The following ATP2B2 variants were observed in gnomAD, a reference collection of about 807,000 sequenced individuals.
The protein encoded by ATP2B2 is ATPase plasma membrane Ca2+ transporting 2, also known as plasma membrane calcium-transporting ATPase 2.
ATP2B2 carries 15 observed loss-of-function variants against 120.0 expected under a neutral mutation model. The ratio of observed to expected loss-of-function variants is 0.12; its 90% CI spans 0.08 to 0.19. The LOEUF is 0.19. Among genes scored for constraint, ATP2B2 ranks in the 10% least tolerant of loss-of-function variants. The pLI is 1.00. For missense variants in ATP2B2, 1,045 were observed against 1,719.8 expected, an observed-to-expected ratio of 0.61 and a Z score of 6.94; for synonymous variants, 694 against 700.3, an observed-to-expected ratio of 0.99 and a Z score of 0.14.
chr3:10,565,929 C>G (rs1437761877), intron 2 of ATP2B2, among the ~76,000 whole-genome samples: 1 of 152,210 alleles, frequency 6.6e-6, no homozygotes, highest in East Asian at 1.9e-4. Flanking sequence ...CATCCTTCCA[C>G]CTACCGACCC....
chr3:10,658,892 T>C (rs1170463459), intron 1 of ATP2B2, among the ~76,000 whole-genome samples: 1 of 151,848 alleles, frequency 6.6e-6, no homozygotes, highest in Non-Finnish European at 1.5e-5. Flanking sequence ...TAACAGCGGA[T>C]CTCTCGGCAG....
intron 1 of ATP2B2, among the ~76,000 whole-genome samples, chr3:10,672,032 G>A (rs539753660): frequency 6.6e-6 from 1 of 152,346 alleles, no homozygotes; most frequent in South Asian, 2.1e-4. Flanking sequence ...GACTGCTAGA[G>A]AGCCTCGGGG....
intron 2 of ATP2B2, among the ~76,000 whole-genome samples, chr3:10,604,766 CT>C (rs2069016741): frequency 1.3e-5 from 2 of 152,166 alleles, no homozygotes; most frequent in Admixed American, 1.3e-4. Flanking sequence ...TCCTACTTCC[CT>C]TTAGAGCCAT....
At chr3:10,391,620 G>A (rs1474655493) in intron 5 of ATP2B2, among the ~76,000 whole-genome samples, 3 of 152,184 alleles carry the variant, frequency 2.0e-5, no homozygotes, top group Non-Finnish European at 2.9e-5. Flanking sequence ...GGCATAGTGC[G>A]CTCCCCGCCC....
intron 1 of ATP2B2, among the ~76,000 whole-genome samples, chr3:10,459,145 C>T (rs2125227832): frequency 6.6e-6 from 1 of 152,356 alleles, no homozygotes; most frequent in South Asian, 2.1e-4. Context: ...GAAGGCATGA[C>T]CTGACCGGAA....
At chr3:10,403,844 C>A (rs895439817) in intron 3 of ATP2B2, among the ~76,000 whole-genome samples, 1 of 152,226 alleles carries the variant, frequency 6.6e-6, no homozygotes, top group Non-Finnish European at 1.5e-5. Flanking sequence ...GGATCCAGAT[C>A]TGGGATCTGA....
At chr3:10,609,222 C>T (rs2069164626) in intron 2 of ATP2B2, among the ~76,000 whole-genome samples, 1 of 152,188 alleles carries the variant, frequency 6.6e-6, no homozygotes, top group African/African-American at 2.4e-5. Context: ...CAAGCTGTAA[C>T]CCAGGAGCAG....
At chr3:10,593,834 C>G (rs1005253511) in intron 2 of ATP2B2, among the ~76,000 whole-genome samples, 3 of 151,794 alleles carry the variant, frequency 2.0e-5, no homozygotes, top group East Asian at 3.9e-4. Context: ...GGGCTAATAC[C>G]CAGAATCTAC....
At chr3:10,570,748 C>CA (rs1472991264) in intron 2 of ATP2B2, among the ~76,000 whole-genome samples, 1 of 152,172 alleles carries the variant, frequency 6.6e-6, no homozygotes, top group Non-Finnish European at 1.5e-5. Context: ...CCCAAAACTC[C>CA]ATTGGCGAGA....
At chr3:10,374,464 GA>G (rs1300936410) in intron 11 of ATP2B2, among the ~76,000 whole-genome samples, 1 of 152,254 alleles carries the variant, frequency 6.6e-6, no homozygotes, top group African/African-American at 2.4e-5. Context: ...CTTGGAAACT[GA>G]TGCTCACCAT....
chr3:10,379,381 T>G, intron 8 of ATP2B2, 97 bp from the exon 9 acceptor site: 1 of 1,374,296 alleles, frequency 7.3e-7, no homozygotes, highest in African/African-American at 1.4e-5. Context: ...ATGTCACAGA[T>G]GAAGGGCGGG....
chr3:10,525,134 G>C (rs1157905463), intron 3 of ATP2B2, among the ~76,000 whole-genome samples: 1 of 152,140 alleles, frequency 6.6e-6, no homozygotes, highest in Non-Finnish European at 1.5e-5. Flanking sequence ...GCAGCAGAGG[G>C]GAAGCTGTGT....
chr3:10,418,797 C>T (rs1430894884), intron 2 of ATP2B2, among the ~76,000 whole-genome samples: 1 of 152,214 alleles, frequency 6.6e-6, no homozygotes, highest in African/African-American at 2.4e-5. Flanking sequence ...ACTCTCCATC[C>T]ACTGCTCAGA....
chr3:10,634,447 A>T (rs2069963090), intron 1 of ATP2B2, among the ~76,000 whole-genome samples: 1 of 152,148 alleles, frequency 6.6e-6, no homozygotes, highest in Non-Finnish European at 1.5e-5. Flanking sequence ...CAACTTCTCC[A>T]CTAGGAAAAC....
Position 10,324,127 on chromosome 3 carries a change from AAG to A in ATP2B2, c.*4685_*4686del, listed in dbSNP as rs1336888282. 1.3e-5 allele frequency: 2 copies of A among 152,112 alleles called. No homozygotes were observed. Among genetic ancestry groups the A allele is most frequent in the African/African-American group, 4.8e-5 (2 of 41,398 alleles). 9.4% of individuals were successfully genotyped at this position (152,112 alleles called of 1,614,324 possible). A position where few individuals can be genotyped will look rare whatever the true frequency, so the allele number is the denominator to read the frequency against. ...CACAAGCCAAAGATACAGAGAAATAAAGAGTGTACAATAAGAGCACAGTCACT... is the reference window on the plus strand; with the variant it reads ...CACAAGCCAAAGATACAGAGAAATAAAGTGTACAATAAGAGCACAGTCACT... On this transcript the variant is annotated 3_prime_UTR_variant, in exon 23 of 23. Transcript: ENST00000360273.
chr3:10,529,135 C>T (rs527299495), intron 3 of ATP2B2, among the ~76,000 whole-genome samples: 12 of 152,344 alleles, frequency 7.9e-5, no homozygotes, highest in African/African-American at 2.2e-4. Context: ...GAATGAAAGT[C>T]AAGTGACTGA....
At chr3:10,690,201 A>G (rs2071625323) in intron 1 of ATP2B2, among the ~76,000 whole-genome samples, 1 of 150,788 alleles carries the variant, frequency 6.6e-6, no homozygotes. Flanking sequence ...GGCTTGACAT[A>G]GGGGGGGACA....
chr3:10,441,546 G>T (rs1191597637), intron 2 of ATP2B2, among the ~76,000 whole-genome samples: 1 of 152,146 alleles, frequency 6.6e-6, no homozygotes, highest in Non-Finnish European at 1.5e-5. Context: ...GACATTTCCT[G>T]TCTGACATCC....
chr3:10,416,839 A>C (rs1469588094), intron 2 of ATP2B2, among the ~76,000 whole-genome samples: 1 of 152,160 alleles, frequency 6.6e-6, no homozygotes, highest in African/African-American at 2.4e-5. Context: ...GATCACACAA[A>C]AGGCTGTGAT....
Sources: allele counts gnomAD v4.1 joint callset (sites outside exome capture counted in the v4.1 genomes callset), GRCh38; gene constraint gnomAD v4.1.1; transcripts MANE v1.5; gene names NCBI Gene and HGNC (gene_info 2026-07-23, HGNC 2026-07-21).